The following PRRC2C variants were observed in gnomAD, a reference collection of about 807,000 sequenced individuals.
The protein encoded by PRRC2C is protein PRRC2C.
A neutral mutation model predicts 317.2 loss-of-function variants in PRRC2C; 72 were observed. That is an observed-to-expected ratio of 0.23 (90% CI 0.19 to 0.28). The LOEUF (loss-of-function observed/expected upper bound fraction) is 0.28. Ranked by LOEUF, PRRC2C falls within the 10% of genes least tolerant of loss-of-function variation. The pLI, the probability that PRRC2C is intolerant of heterozygous loss-of-function variation, is 1.00. For missense variants in PRRC2C, 3,074 were observed against 3,459.7 expected, an observed-to-expected ratio of 0.89 and a Z score of 2.80; for synonymous variants, 1,296 against 1,205.9, an observed-to-expected ratio of 1.07 and a Z score of -1.55.
Position 171,579,979 on chromosome 1 carries a change from A to C in PRRC2C, c.7409+15A>C, listed in dbSNP as rs1648142148. The stretch of plus-strand genomic sequence containing the variant: ...CAACCATATAGGTAAATGCTTTAAA[A>C]GTTATGTTTGTAATGATGTTGAAAA... On this transcript the variant is annotated intron_variant, in intron 28 of 34. Transcript: ENST00000647382. 1 of 1,491,282 alleles carries C rather than the reference A, an allele frequency of 6.7e-7. No homozygotes were observed. Among genetic ancestry groups the C allele is most frequent in the Non-Finnish European group, 8.9e-7 (1 of 1,120,006 alleles). The allele number at this position is 1,491,282 out of a possible 1,614,324, so 92.4% of individuals were successfully genotyped here.
chr1:171,522,267 T>A lies in PRRC2C; in HGVS notation c.833+8T>A. 6.5e-7 allele frequency: 1 copy of A among 1,533,442 alleles called. No individual in the cohort carries two copies. Among genetic ancestry groups the A allele is most frequent in the Non-Finnish European group, 9.0e-7 (1 of 1,109,258 alleles). The allele number at this position is 1,533,442 out of a possible 1,614,324, so 95.0% of individuals were successfully genotyped here. A position where few individuals can be genotyped will look rare whatever the true frequency, so the allele number is the denominator to read the frequency against. On this transcript the variant is annotated splice_region_variant and intron_variant, in intron 7 of 34. Coordinates refer to ENST00000647382, the MANE Select transcript of PRRC2C (RefSeq NM_001387844.1). ...TTTATCTGAAACAAACAAGTAAGGC[T>A]ATTAAATGATTAAAGTCTGTAAGGA...
intron 33 of PRRC2C, 77 bp from the exon 34 acceptor site, chr1:171,589,292 C>T (rs2102896365): frequency 1.2e-6 from 1 of 831,978 alleles, no homozygotes; most frequent in South Asian, 1.7e-5. Flanking sequence ...GATGAGCCAA[C>T]CTGGTCTAGT....
intron 17 of PRRC2C, among the ~76,000 whole-genome samples, chr1:171,546,787 T>TTAC (rs1679196043): frequency 6.6e-6 from 1 of 151,492 alleles, no homozygotes; most frequent in South Asian, 2.1e-4. Context: ...ATTATTATTA[T>TTAC]TATTTTTGTT....
At chr1:171,577,770 CAT>C in intron 26 of PRRC2C, 133 bp downstream of exon 26, 1 of 329,826 alleles carries the variant, frequency 3.0e-6, no homozygotes, top group Non-Finnish European at 5.0e-6. Flanking sequence ...TTTAAATTCG[CAT>C]TTTTTTTTTT....
intron 33 of PRRC2C, 61 bp from the exon 34 acceptor site, chr1:171,589,308 G>GTT (rs11284338): frequency 0.028 from 12,031 of 426,370 alleles, 6 homozygotes; most frequent in South Asian, 0.046. Context: ...CTAGTTGGCA[G>GTT]TTTTTTTTTT....
intron 24 of PRRC2C, among the ~76,000 whole-genome samples, chr1:171,572,544 T>C (rs985344322): frequency 3.9e-5 from 6 of 152,192 alleles, no homozygotes; most frequent in South Asian, 2.1e-4. Flanking sequence ...TTAACAAATA[T>C]AAGTTTGAGA....
At chr1:171,508,991 A>G (rs1308825293) in intron 1 of PRRC2C, among the ~76,000 whole-genome samples, 1 of 151,850 alleles carries the variant, frequency 6.6e-6, no homozygotes, top group Non-Finnish European at 1.5e-5. Flanking sequence ...GGTTGAAGCC[A>G]TTCTCCTGCC....
chr1:171,535,081 C>T (rs1243433257), intron 12 of PRRC2C, among the ~76,000 whole-genome samples: 3 of 151,576 alleles, frequency 2.0e-5, no homozygotes, highest in African/African-American at 4.9e-5. Context: ...TAATGAACTA[C>T]CAGTAAATAC....
chr1:171,552,691 G>C (rs539405588), intron 18 of PRRC2C, among the ~76,000 whole-genome samples: 32 of 152,150 alleles, frequency 2.1e-4, no homozygotes, highest in Admixed American at 9.2e-4. Flanking sequence ...GAATTTTGTC[G>C]AAGGCCTTTT....
chr1:171,537,525 A>G (rs1677052142), intron 15 of PRRC2C, 52 bp downstream of exon 15: 1 of 1,446,240 alleles, frequency 6.9e-7, no homozygotes, highest in South Asian at 1.2e-5. Context: ...TGGTAAAAGG[A>G]AAACTGTGTA....
chr1:171,494,223 T>C (rs1667702936), intron 1 of PRRC2C, among the ~76,000 whole-genome samples: 1 of 152,236 alleles, frequency 6.6e-6, no homozygotes, highest in Admixed American at 6.5e-5. Flanking sequence ...ATTTGATAGC[T>C]ACATTTCTGT....
intron 5 of PRRC2C, among the ~76,000 whole-genome samples, chr1:171,517,193 G>A (rs79114066): frequency 0.13 from 19,354 of 152,206 alleles, 1,617 homozygotes; most frequent in South Asian, 0.36. Context: ...ACAGACAAAT[G>A]AGAATATCAC....
intron 22 of PRRC2C, 60 bp from the exon 23 acceptor site, chr1:171,568,187 G>A (rs546099268): frequency 2.0e-6 from 3 of 1,505,332 alleles, no homozygotes; most frequent in Non-Finnish European, 2.7e-6. Flanking sequence ...AAAAAAAAGA[G>A]GAAGAAGTGA....
chr1:171,496,774 C>CGTGTGTGTGT (rs71688813), intron 1 of PRRC2C, among the ~76,000 whole-genome samples: 1,863 of 146,876 alleles, frequency 0.013, 17 homozygotes, highest in African/African-American at 0.026. Flanking sequence ...ACATTTGGGG[C>CGTGTGTGTGT]GTGTGTGTGT....
At chr1:171,528,405 C>T (rs541211453) in intron 11 of PRRC2C, among the ~76,000 whole-genome samples, 1 of 152,004 alleles carries the variant, frequency 6.6e-6, no homozygotes, top group Admixed American at 6.6e-5. Context: ...TCTCCTGCCT[C>T]AGCCTCCTGA....
intron 1 of PRRC2C, among the ~76,000 whole-genome samples, chr1:171,490,806 T>C (rs1191539666): frequency 6.6e-6 from 1 of 152,140 alleles, no homozygotes; most frequent in East Asian, 1.9e-4. Flanking sequence ...AGAGGGAAAA[T>C]CTCTTGATTT....
chr1:171,558,341 A>G (rs1454778173), intron 19 of PRRC2C, among the ~76,000 whole-genome samples, 198 bp downstream of exon 19: 3 of 149,524 alleles, frequency 2.0e-5, no homozygotes, highest in Non-Finnish European at 4.4e-5. Flanking sequence ...TTTTATGGAA[A>G]TAATTTTGTG....
intron 20 of PRRC2C, among the ~76,000 whole-genome samples, chr1:171,564,590 C>T (rs149260512): frequency 2.0e-5 from 3 of 152,164 alleles, no homozygotes; most frequent in African/African-American, 2.4e-5. Flanking sequence ...AACAGAGATA[C>T]GTCCTGAGAA....
chr1:171,559,238 G>A (rs931960876), intron 19 of PRRC2C, among the ~76,000 whole-genome samples: 2 of 152,182 alleles, frequency 1.3e-5, no homozygotes, highest in Admixed American at 6.5e-5. Flanking sequence ...AATTTTTAAC[G>A]TAGATGAAGC....
Sources: gnomAD v4.1 joint callset for allele counts (sites outside exome capture counted in the v4.1 genomes callset) on GRCh38, gnomAD v4.1.1 for gene constraint, MANE v1.5 for transcripts, NCBI Gene and HGNC (gene_info 2026-07-23, HGNC 2026-07-21) for gene names.